Variants in SOX5 observed in about 807,000 individuals in gnomAD.
SOX5 encodes transcription factor SOX-5.
In SOX5, 9 loss-of-function variants were observed where a neutral mutation model predicts 92.0. The observed-to-expected ratio is 0.10, with a 90% CI of 0.06 to 0.17. SOX5 has a LOEUF of 0.17. Ranked by LOEUF, SOX5 falls within the 10% of genes least tolerant of loss-of-function variation. The probability of loss-of-function intolerance (pLI) is 1.00; values close to 1 mark genes in which losing one functional copy is unlikely to be tolerated. For synonymous variants in SOX5, 344 were observed against 336.3 expected, an observed-to-expected ratio of 1.02 and a Z score of -0.25; for missense variants, 642 against 944.5, an observed-to-expected ratio of 0.68 and a Z score of 4.20.
At chr12:23,799,659 G>A (rs768672863) in intron 3 of SOX5, among the ~76,000 whole-genome samples, 8 of 151,950 alleles carry the variant, frequency 5.3e-5, no homozygotes, top group Non-Finnish European at 8.8e-5. Context: ...TTCACAATAA[G>A]TTTGGTCCTC....
rs563070241 is a variant in SOX5 at position 23,710,483 on chromosome 12, A to G, written c.810+24201T>C. Reference sequence around the variant, plus strand: ...TCACTTCCCACCTATGAGTGAGAACATGTGGTGTCTGGTTTTTTGTTCTTG... The same window carrying G: ...TCACTTCCCACCTATGAGTGAGAACGTGTGGTGTCTGGTTTTTTGTTCTTG... On this transcript the variant is annotated intron_variant, in intron 6 of 14. Transcript: ENST00000451604. Among the ~76,000 whole-genome samples, 15 of 152,180 alleles carry G rather than the reference A, an allele frequency of 9.9e-5. No individual in the cohort carries two copies. In the South Asian group the frequency reaches 2.9e-3, roughly 29 times the overall value.
At chr12:24,001,459 G>A (rs192610645) in intron 4 of SOX5, among the ~76,000 whole-genome samples, 1 of 152,166 alleles carries the variant, frequency 6.6e-6, no homozygotes, top group African/African-American at 2.4e-5. Context: ...AAAAAAATCA[G>A]TAAATATTTG....
chr12:24,318,887 C>T (rs1201665257), intron 2 of SOX5, among the ~76,000 whole-genome samples: 4 of 152,110 alleles, frequency 2.6e-5, no homozygotes, highest in Non-Finnish European at 5.9e-5. Context: ...AATCCAATTC[C>T]TTCAGTGACT....
rs1458451968 is a variant in SOX5, at chr12:24,253,450, CCT to C, written c.-77+23764_-77+23765del. Among the ~76,000 whole-genome samples the C allele has an allele frequency of 2.6e-5, 4 of 151,948 alleles. No homozygotes were observed. In the East Asian group the frequency reaches 7.7e-4, roughly 29 times the overall value. ...AAATAGTAGAAAAGACACCATTGAT[CCT>C]TATTCATCTTTGGGAGTCCCCTCAA... On this transcript the variant is annotated intron_variant, in intron 3 of 4. Coordinates refer to the SOX5 transcript ENST00000446891.
chr12:23,560,658 C>T (rs555744843), intron 11 of SOX5, among the ~76,000 whole-genome samples: 1 of 152,260 alleles, frequency 6.6e-6, no homozygotes, highest in African/African-American at 2.4e-5. Context: ...AATACAATAC[C>T]TCCAGTACCT....
intron 1 of SOX5, among the ~76,000 whole-genome samples, chr12:24,511,105 A>G (rs1949264683): frequency 6.6e-6 from 1 of 152,180 alleles, no homozygotes; most frequent in Admixed American, 6.5e-5. Flanking sequence ...AAGACAAACA[A>G]TAAATTACTA....
intron 2 of SOX5, among the ~76,000 whole-genome samples, chr12:23,851,324 A>G (rs1481026094): frequency 3.9e-5 from 6 of 152,144 alleles, no homozygotes; most frequent in Admixed American, 3.9e-4. Flanking sequence ...GCTAACTTCT[A>G]CAAATGAAGT....
intron 6 of SOX5, among the ~76,000 whole-genome samples, chr12:23,676,214 G>A (rs2085660956): frequency 6.6e-6 from 1 of 151,976 alleles, no homozygotes. Flanking sequence ...GTAGATTCTA[G>A]GTGCTCTTAA....
rs11047061 is a variant in SOX5 at position 23,716,676 on chromosome 12, T to A, written c.810+18008A>T. ...AAAAACATCATTCGTATGTTCTGGT[T>A]CTCTTATAAGGCCCTCTTATATCAC... On this transcript the variant is annotated intron_variant, in intron 6 of 14. Coordinates refer to ENST00000451604, the MANE Select transcript of SOX5 (RefSeq NM_006940.6). Among the ~76,000 whole-genome samples, 119 of 152,300 alleles carry A rather than the reference T, an allele frequency of 7.8e-4. 1 individual carries two copies. The highest frequency in any genetic ancestry group is 2.6e-3 in the African/African-American group (109 of 41,570).
rs1192026266 is a variant in SOX5, at chr12:23,921,008, AAC to A, written c.39-24986_39-24985del. ...TCTTCATTTCTATATTCTTTGGGCT[AAC>A]ACAGTGTCTGATACATGAAATATTT... On this transcript the variant is annotated intron_variant, in intron 1 of 14. Coordinates refer to ENST00000451604, the MANE Select transcript of SOX5 (RefSeq NM_006940.6). Among the ~76,000 whole-genome samples the A allele has an allele frequency of 4.6e-5, 7 of 152,316 alleles. No individual in the cohort carries two copies. In the East Asian group the frequency reaches 7.7e-4, roughly 17 times the overall value.
chr12:24,551,443 G>T (rs566378598), intron 1 of SOX5, among the ~76,000 whole-genome samples: 1 of 152,258 alleles, frequency 6.6e-6, no homozygotes, highest in Admixed American at 6.5e-5. Context: ...CAGTCTATTG[G>T]CTAGCATCTG....
intron 1 of SOX5, among the ~76,000 whole-genome samples, chr12:23,948,243 A>G: frequency 6.6e-6 from 1 of 151,614 alleles, no homozygotes. Context: ...CACAGAAGAA[A>G]TCAAAGAAAG....
At chr12:23,745,351 A>G (rs984995835) in intron 4 of SOX5, among the ~76,000 whole-genome samples, 11 of 152,114 alleles carry the variant, frequency 7.2e-5, no homozygotes, top group African/African-American at 2.7e-4. Flanking sequence ...ATCTCTGTAC[A>G]AATCTATCCT....
At chr12:24,341,075 A>C (rs1186371206) in intron 2 of SOX5, among the ~76,000 whole-genome samples, 1 of 152,242 alleles carries the variant, frequency 6.6e-6, no homozygotes, top group South Asian at 2.1e-4. Context: ...TAAAAATGTC[A>C]TAGTACAAAA....
intron 2 of SOX5, among the ~76,000 whole-genome samples, chr12:24,288,549 T>C (rs968082986): frequency 6.8e-6 from 1 of 146,950 alleles, no homozygotes; most frequent in African/African-American, 2.7e-5. Context: ...AGATAAATTG[T>C]TCATAAAATA....
intron 2 of SOX5, among the ~76,000 whole-genome samples, chr12:24,317,008 A>G (rs1229455465): frequency 1.3e-5 from 2 of 152,158 alleles, no homozygotes; most frequent in Non-Finnish European, 2.9e-5. Context: ...GCAACCAGGG[A>G]GCAACTAAAC....
intron 3 of SOX5, among the ~76,000 whole-genome samples, chr12:24,260,449 C>A (rs1457219407): frequency 6.6e-6 from 1 of 152,166 alleles, no homozygotes. Context: ...ACACAGTGAG[C>A]ATGTAATAAA....
At chr12:23,758,000 AC>A (rs1282081499) in intron 3 of SOX5, among the ~76,000 whole-genome samples, 2 of 109,778 alleles carry the variant, frequency 1.8e-5, no homozygotes, top group Non-Finnish European at 1.8e-5. Context: ...ACTTTTAAGC[AC>A]ACACTACAAA....
chr12:24,399,777 A>G (rs1056307526), intron 1 of SOX5, among the ~76,000 whole-genome samples: 2 of 152,246 alleles, frequency 1.3e-5, no homozygotes, highest in African/African-American at 4.8e-5. Context: ...TTTAATTTTG[A>G]TGAGATTTTC....
Sources: gnomAD v4.1 joint callset for allele counts (sites outside exome capture counted in the v4.1 genomes callset) on GRCh38, gnomAD v4.1.1 for gene constraint, MANE v1.5 for transcripts, NCBI Gene and HGNC (gene_info 2026-07-23, HGNC 2026-07-21) for gene names.